PTGER3: variants seen among roughly 807,000 people sequenced by gnomAD.
The protein encoded by PTGER3 is prostaglandin E2 receptor EP3 subtype.
A neutral mutation model predicts 34.7 loss-of-function variants in PTGER3; 22 were observed. The observed-to-expected ratio is 0.63, with a 90% CI of 0.45 to 0.91. The LOEUF (loss-of-function observed/expected upper bound fraction) is 0.91. Among genes scored for constraint, PTGER3 ranks in the 40% least tolerant of loss-of-function variants. The pLI is 0.00. For synonymous variants in PTGER3, 241 were observed against 230.1 expected, an observed-to-expected ratio of 1.05 and a Z score of -0.43; for missense variants, 468 against 519.4, an observed-to-expected ratio of 0.90 and a Z score of 0.96.
At chr1:71,023,958 A>C (rs1658657859) in intron 1 of PTGER3, among the ~76,000 whole-genome samples, 1 of 151,878 alleles carries the variant, frequency 6.6e-6, no homozygotes. Flanking sequence ...GGCCTGGCCC[A>C]TGCTGCTGCT....
At chr1:70,855,685 G>A (rs992742342) in intron 4 of PTGER3, among the ~76,000 whole-genome samples, 4 of 152,044 alleles carry the variant, frequency 2.6e-5, no homozygotes, top group Admixed American at 6.6e-5. Flanking sequence ...TGTTCATTCA[G>A]GGAAGGGAGC....
chr1:70,939,651 G>T lies in PTGER3; in HGVS notation c.*23+14112C>A, dbSNP rs6695745. Among the ~76,000 whole-genome samples the T allele has an allele frequency of 7.3e-3, 1,106 of 152,344 alleles. 15 individuals carry two copies. Among genetic ancestry groups the T allele is most frequent in the African/African-American group, 0.026 (1,062 of 41,594 alleles). On this transcript the variant is annotated intron_variant, in intron 4 of 4. Transcript: ENST00000370931. ...ACAGGCTCAACACCACATGGAAGCT[G>T]CCAAGGCTTAGGGCTTCCACCCTCT...
At chr1:70,965,840 T>C (rs1049105525), downstream of PTGER3, among the ~76,000 whole-genome samples, 4 of 152,300 alleles carry the variant, frequency 2.6e-5, no homozygotes, top group East Asian at 7.7e-4. Flanking sequence ...GACCATAGGA[T>C]TTCAGAGCTT....
downstream of PTGER3, among the ~76,000 whole-genome samples, chr1:70,949,173 C>T (rs2100575285): frequency 6.6e-6 from 1 of 152,004 alleles, no homozygotes; most frequent in African/African-American, 2.4e-5. Flanking sequence ...TCTTATAAAA[C>T]AATAGGAACA....
chr1:71,020,830 C>T (rs1276265464), intron 1 of PTGER3, among the ~76,000 whole-genome samples: 2 of 151,922 alleles, frequency 1.3e-5, no homozygotes, highest in African/African-American at 4.8e-5. Context: ...CTCAATTCTG[C>T]TTCTAGTTTG....
At chr1:71,034,798 T>C (rs1659686907) in intron 1 of PTGER3, among the ~76,000 whole-genome samples, 1 of 152,332 alleles carries the variant, frequency 6.6e-6, no homozygotes, top group East Asian at 1.9e-4. Context: ...AAATGAATTC[T>C]AAATGGTTCT....
intron 4 of PTGER3, among the ~76,000 whole-genome samples, chr1:70,941,991 C>T (rs1202559499): frequency 1.3e-5 from 2 of 152,148 alleles, no homozygotes; most frequent in East Asian, 3.8e-4. Flanking sequence ...ATGACGACAG[C>T]TCCTATGTAC....
At chr1:70,909,199 T>C (rs1295479797) in intron 4 of PTGER3, among the ~76,000 whole-genome samples, 1 of 152,156 alleles carries the variant, frequency 6.6e-6, no homozygotes, top group East Asian at 1.9e-4. Context: ...AGATATTAAG[T>C]GAAAAATGCA....
chr1:70,935,930 A>T (rs1468570922), intron 4 of PTGER3, among the ~76,000 whole-genome samples: 2 of 152,116 alleles, frequency 1.3e-5, no homozygotes, highest in Middle Eastern at 6.3e-3. Flanking sequence ...ACAAAAATGC[A>T]TGGTCTTTTC....
At chr1:70,961,617 T>C (rs1428678320) in intron 2 of PTGER3, among the ~76,000 whole-genome samples, 1 of 152,206 alleles carries the variant, frequency 6.6e-6, no homozygotes, top group East Asian at 1.9e-4. Context: ...CATATTTTGC[T>C]CTGAATATTA....
intron 2 of PTGER3, chr1:71,010,251 G>T (rs1657323205): frequency 1.0e-6 from 1 of 983,302 alleles, no homozygotes; most frequent in South Asian, 4.7e-5. Context: ...GCACTGTGTT[G>T]TACAGCAGTA....
intron 4 of PTGER3, among the ~76,000 whole-genome samples, chr1:70,944,840 A>G (rs1650074204): frequency 6.6e-6 from 1 of 152,132 alleles, no homozygotes; most frequent in Non-Finnish European, 1.5e-5. Flanking sequence ...CATCAGAGAA[A>G]TTAGGTAAAA....
At chr1:70,883,395 T>C (rs917116956) in intron 4 of PTGER3, among the ~76,000 whole-genome samples, 3 of 152,240 alleles carry the variant, frequency 2.0e-5, no homozygotes, top group Admixed American at 6.5e-5. Flanking sequence ...ATTCCTTAAA[T>C]ATTTAAGCAC....
intron 4 of PTGER3, among the ~76,000 whole-genome samples, chr1:70,890,951 CTCTTACTT>C (rs2100274151): frequency 6.6e-6 from 1 of 152,246 alleles, no homozygotes; most frequent in South Asian, 2.1e-4. Flanking sequence ...ATAATAAGCC[CTCTTACTT>C]TCTTCATACC....
intron 4 of PTGER3, among the ~76,000 whole-genome samples, chr1:70,891,688 C>T (rs1424416994): frequency 6.6e-6 from 1 of 152,166 alleles, no homozygotes; most frequent in Non-Finnish European, 1.5e-5. Flanking sequence ...ATACAGTCTG[C>T]TTGTTTTAGA....
chr1:70,869,323 C>T, intron 4 of PTGER3: 1 of 470,502 alleles, frequency 2.1e-6, no homozygotes, highest in Non-Finnish European at 4.4e-6. Context: ...CCATCTCCTA[C>T]ATTGGGGAAT....
At chr1:70,941,621 T>C (rs577251791) in intron 4 of PTGER3, among the ~76,000 whole-genome samples, 1 of 152,288 alleles carries the variant, frequency 6.6e-6, no homozygotes, top group East Asian at 1.9e-4. Flanking sequence ...TCATTTAATG[T>C]TACCAAAATC....
intron 4 of PTGER3, among the ~76,000 whole-genome samples, chr1:70,858,201 CTTTTTT>C (rs35355255): frequency 7.5e-6 from 1 of 134,150 alleles, no homozygotes; most frequent in Non-Finnish European, 1.6e-5. Context: ...AACACAGATT[CTTTTTT>C]TTTTTTTTTT....
chr1:70,864,718 T>C (rs1646003755), intron 4 of PTGER3, among the ~76,000 whole-genome samples: 1 of 152,180 alleles, frequency 6.6e-6, no homozygotes, highest in South Asian at 2.1e-4. Flanking sequence ...TACTTTTTTG[T>C]TTAAAGCACT....
Sources: allele counts gnomAD v4.1 joint callset (sites outside exome capture counted in the v4.1 genomes callset), GRCh38; gene constraint gnomAD v4.1.1; transcripts MANE v1.5; gene names NCBI Gene and HGNC (gene_info 2026-07-23, HGNC 2026-07-21).